The following AHCY variants were observed in gnomAD, a reference collection of about 807,000 sequenced individuals.
AHCY encodes S-adenosyl-L-homocysteine hydrolase.
AHCY carries 24 observed loss-of-function variants against 45.4 expected under a neutral mutation model. The ratio of observed to expected loss-of-function variants is 0.53; its 90% confidence interval spans 0.38 to 0.74. The LOEUF is 0.74. Ranked by LOEUF, AHCY falls within the 30% of genes least tolerant of loss-of-function variation. AHCY has a pLI of 0.00. For synonymous variants in AHCY, 245 were observed against 235.1 expected (o/e 1.04, Z -0.39); for missense variants, 449 against 594.1 (o/e 0.76, Z 2.54).
At chr20:34,240,414 C>T in the AHCY span, among the ~76,000 whole-genome samples, 11 of 152,168 alleles carry the variant, frequency 7.2e-5, no homozygotes, top group Admixed American at 6.5e-4. Context: ...GATCAGCTTT[C>T]ACATAACCTT....
intron 4 of AHCY, among the ~76,000 whole-genome samples, chr20:34,291,880 T>C (rs1030881661): frequency 6.6e-6 from 1 of 152,250 alleles, no homozygotes; most frequent in African/African-American, 2.4e-5. Flanking sequence ...AGAAATCTTC[T>C]CAACGCCCTC....
the AHCY span, among the ~76,000 whole-genome samples, chr20:34,242,961 C>A: frequency 2.0e-5 from 3 of 152,230 alleles, no homozygotes; most frequent in Non-Finnish European, 4.4e-5. Context: ...CAATATAGTA[C>A]CCACTAAGGT....
intron 4 of AHCY, 140 bp downstream of exon 4, chr20:34,292,218 G>C: frequency 8.3e-7 from 1 of 1,207,934 alleles, no homozygotes. Context: ...CAGCATGAAT[G>C]CCAGAGCCTG....
the AHCY span, among the ~76,000 whole-genome samples, chr20:34,253,442 TTTTATTTTATTTA>T: frequency 4.6e-4 from 48 of 105,132 alleles, 1 homozygote; most frequent in African/African-American, 2.2e-3. Flanking sequence ...CTTATTTTTA[TTTTATTTTATTTA>T]TTTATTTATT....
At chr20:34,271,766 T>C in the AHCY span, among the ~76,000 whole-genome samples, 1 of 152,096 alleles carries the variant, frequency 6.6e-6, no homozygotes. Context: ...GGTTTCACCA[T>C]GTTGGCCAGG....
At chr20:34,256,201 C>T in the AHCY span, among the ~76,000 whole-genome samples, 1 of 152,238 alleles carries the variant, frequency 6.6e-6, no homozygotes, top group African/African-American at 2.4e-5. Flanking sequence ...CTGGTGGACA[C>T]GTGACTTGTG....
At chr20:34,301,941 A>G (rs2036786263) in intron 1 of AHCY, 1 of 985,260 alleles carries the variant, frequency 1.0e-6, no homozygotes, top group Non-Finnish European at 1.2e-6. Context: ...ATCACCAGAT[A>G]TACAGCAAGT....
chr20:34,305,283 C>T (rs2036883633), upstream of AHCY, among the ~76,000 whole-genome samples: 1 of 151,930 alleles, frequency 6.6e-6, no homozygotes, highest in African/African-American at 2.4e-5. Flanking sequence ...GAGATCGCAC[C>T]ACTGCACTCC....
At chr20:34,307,454 C>T (rs1462857439), upstream of AHCY, among the ~76,000 whole-genome samples, 1 of 151,886 alleles carries the variant, frequency 6.6e-6, no homozygotes. Context: ...CTCACTGCAA[C>T]CTCCTCCTCC....
the AHCY span, among the ~76,000 whole-genome samples, chr20:34,247,995 C>G: frequency 6.6e-6 from 1 of 152,152 alleles, no homozygotes; most frequent in Admixed American, 6.5e-5. Flanking sequence ...CGCCTGAGAT[C>G]AAGAGTTCGA....
chr20:34,264,360 A>G, the AHCY span, among the ~76,000 whole-genome samples: 1 of 152,180 alleles, frequency 6.6e-6, no homozygotes, highest in Non-Finnish European at 1.5e-5. Context: ...ACGCTCTGTG[A>G]GCTAATCATC....
chr20:34,281,218 A>G (rs2035991764), intron 9 of AHCY, 53 bp from the exon 10 acceptor site: 1 of 1,608,744 alleles, frequency 6.2e-7, no homozygotes, highest in Non-Finnish European at 8.5e-7. Flanking sequence ...TGGGACCCCT[A>G]CACGCGTCTG....
At chr20:34,308,286 C>T (rs958610226), upstream of AHCY, among the ~76,000 whole-genome samples, 5 of 152,198 alleles carry the variant, frequency 3.3e-5, no homozygotes, top group Admixed American at 6.5e-5. Context: ...TGTGGTGGCT[C>T]AGGCCTATAG....
the AHCY span, among the ~76,000 whole-genome samples, chr20:34,245,349 AAGAG>A: frequency 6.6e-6 from 1 of 150,726 alleles, no homozygotes; most frequent in Non-Finnish European, 1.5e-5. Flanking sequence ...AAAAAAAAAA[AAGAG>A]AGAGAGACAA....
the AHCY span, among the ~76,000 whole-genome samples, chr20:34,250,487 G>A: frequency 6.6e-5 from 10 of 152,178 alleles, no homozygotes; most frequent in Non-Finnish European, 1.3e-4. Flanking sequence ...GGGCAACACA[G>A]TGAGATCACA....
the AHCY span, among the ~76,000 whole-genome samples, chr20:34,235,394 C>A: frequency 6.6e-6 from 1 of 152,012 alleles, no homozygotes; most frequent in Non-Finnish European, 1.5e-5. Context: ...GAGCCGAGAT[C>A]ATGCCATTGC....
chr20:34,252,223 A>G, the AHCY span, among the ~76,000 whole-genome samples: 1 of 152,230 alleles, frequency 6.6e-6, no homozygotes, highest in Non-Finnish European at 1.5e-5. Flanking sequence ...CAGTGGGCCC[A>G]GGAGACCGGT....
chr20:34,268,318 C>T, the AHCY span, among the ~76,000 whole-genome samples: 10 of 152,220 alleles, frequency 6.6e-5, no homozygotes, highest in Non-Finnish European at 1.2e-4. Flanking sequence ...TCACCTGCTG[C>T]GTTCGGTGCA....
At chr20:34,254,048 T>C in the AHCY span, among the ~76,000 whole-genome samples, 5 of 152,000 alleles carry the variant, frequency 3.3e-5, no homozygotes, top group African/African-American at 1.2e-4. Flanking sequence ...TATTGTCCTG[T>C]TTTTTTGTTT....
Sources: allele counts gnomAD v4.1 joint callset (sites outside exome capture counted in the v4.1 genomes callset), GRCh38; gene constraint gnomAD v4.1.1; transcripts MANE v1.5; gene names NCBI Gene and HGNC (gene_info 2026-07-23, HGNC 2026-07-21).